The following SLC5A3 variants were observed in gnomAD, a reference collection of about 807,000 sequenced individuals.
SLC5A3 encodes the protein solute carrier family 5 member 3.
Under a neutral mutation model 43.2 loss-of-function variants are expected in SLC5A3, and 10 were observed. That is an observed-to-expected ratio of 0.23 (90% confidence interval 0.14 to 0.39). The LOEUF (loss-of-function observed/expected upper bound fraction) is 0.39, where lower values mean the gene tolerates loss of function less well. SLC5A3 is among the 10% of genes least tolerant of loss of function. The pLI is 1.00. For synonymous variants in SLC5A3, 349 were observed against 322.0 expected (o/e 1.08, Z -0.90); for missense variants, 608 against 893.4 (o/e 0.68, Z 4.07).
chr21:34,091,222 T>G (rs1052541540), intron 1 of SLC5A3, among the ~76,000 whole-genome samples: 1 of 149,766 alleles, frequency 6.7e-6, no homozygotes, highest in African/African-American at 2.5e-5. Flanking sequence ...GAGGTGGTTG[T>G]TTGGTCACGT....
intron 1 of SLC5A3, among the ~76,000 whole-genome samples, chr21:34,093,238 ATTT>A (rs761174952): frequency 1.5e-5 from 2 of 130,212 alleles, no homozygotes; most frequent in Admixed American, 7.7e-5. Flanking sequence ...AACTTTTAAG[ATTT>A]TTTTTTTTTT....
chr21:34,096,825 A>G lies in SLC5A3; in HGVS notation c.1627A>G (p.Thr543Ala). ...ACCTCCCACAAAGGAACAGATTCGA[A>G]CCACCACCTTTTGGTCTAAGAAGAA... Reference protein sequence around the residue: ...TPPPTKEQIRTTTFWSKKNLV... With the variant: ...TPPPTKEQIRATTFWSKKNLV... Residue 543 changes from threonine to alanine, a missense_variant, in exon 2 of 2, where the codon ACC becomes GCC. Around this residue, in one of 2 missense-constraint regions of SLC5A3, gnomAD observed 210 missense variants for 224.8 expected, o/e 0.93. Transcript: ENST00000381151. This position sits in a 1 kb window ranked among gnomAD's most constrained non-coding sequence, Gnocchi z 5.9. 1.2e-6 allele frequency: 2 copies of G among 1,614,074 alleles called. No homozygotes were observed. The highest frequency in any genetic ancestry group is 8.5e-7 in the Non-Finnish European group (1 of 1,179,996).
intron 1 of SLC5A3, among the ~76,000 whole-genome samples, chr21:34,086,301 A>T (rs148461249): frequency 2.0e-5 from 3 of 152,114 alleles, no homozygotes; most frequent in Non-Finnish European, 2.9e-5. Context: ...TTTTAGAGAA[A>T]AGATTAATTC....
At chr21:34,094,444 T>C (rs1782995) in intron 1 of SLC5A3, among the ~76,000 whole-genome samples, 9,101 of 152,232 alleles carry the variant, frequency 0.06, 317 homozygotes, top group Middle Eastern at 0.13. Context: ...CCAAACTCTC[T>C]TAGGATTCAT....
At chr21:34,092,139 T>TAA (rs1556004198) in intron 1 of SLC5A3, among the ~76,000 whole-genome samples, 2 of 150,834 alleles carry the variant, frequency 1.3e-5, no homozygotes, top group Non-Finnish European at 1.5e-5. Flanking sequence ...TATATATATA[T>TAA]AACATACTGT....
At position 34,088,009 on chromosome 21, in the gene SLC5A3, G is replaced by A. The variant is rs576127226; in HGVS notation, c.-336-6854G>A. Among the ~76,000 whole-genome samples, 62 of 152,262 alleles carry A rather than the reference G, an allele frequency of 4.1e-4. 1 individual carries two copies. In the South Asian group the frequency reaches 0.013, roughly 32 times the overall value. ...TGTTCTGAGATGGGGAGGATTGAGA[G>A]TAGAACACATTTTTTGGGCAAGAGC... On this transcript the variant is annotated intron_variant, in intron 1 of 1. Transcript: ENST00000381151.
At chr21:34,081,506 C>G (rs1989458307) in intron 1 of SLC5A3, among the ~76,000 whole-genome samples, 1 of 152,078 alleles carries the variant, frequency 6.6e-6, no homozygotes, top group Non-Finnish European at 1.5e-5. Flanking sequence ...CTTGTAAGAT[C>G]TGAAATGAAG....
Position 34,098,929 on chromosome 21 carries a change from C to A in SLC5A3, c.*1574C>A, listed in dbSNP as rs903882355. ...ATACTTTTTAGATTGCATGATTTTA[C>A]TAGGCTTGTATTTAGGGAAATTACT... is the stretch of plus-strand genomic sequence containing the variant. On this transcript the variant is annotated 3_prime_UTR_variant, in exon 2 of 2. Transcript: ENST00000381151. 5 of 988,336 alleles carry A rather than the reference C, an allele frequency of 5.1e-6. No homozygotes were observed. Among genetic ancestry groups the A allele is most frequent in the Non-Finnish European group, 6.1e-6 (5 of 819,278 alleles). 61.2% of individuals were successfully genotyped at this position (988,336 alleles called of 1,614,324 possible). A position where few individuals can be genotyped will look rare whatever the true frequency, so the allele number is the denominator to read the frequency against.
intron 1 of SLC5A3, among the ~76,000 whole-genome samples, chr21:34,089,395 C>T (rs1348552847): frequency 2.0e-5 from 3 of 151,634 alleles, no homozygotes; most frequent in African/African-American, 7.3e-5. Flanking sequence ...TAGTATCATT[C>T]ACATAAAAGT....
chr21:34,105,727 C>T lies in SLC5A3; in HGVS notation c.*8372C>T, dbSNP rs1332222837. 1.0e-6 allele frequency: 1 copy of T among 997,906 alleles called. No individual in the cohort carries two copies. Among genetic ancestry groups the T allele is most frequent in the East Asian group, 1.1e-4 (1 of 8,800 alleles). 61.8% of individuals were successfully genotyped at this position (997,906 alleles called of 1,614,324 possible). The stretch of plus-strand genomic sequence containing the variant: ...GAATTGTAAATGGATTTCCAGTTTA[C>T]CTTCTGTTGTCTACAGCTTTTTTAA... On this transcript the variant is annotated 3_prime_UTR_variant, in exon 2 of 2. Coordinates refer to ENST00000381151, the MANE Select transcript of SLC5A3 (RefSeq NM_006933.7).
Position 34,083,204 on chromosome 21 carries a change from T to C in SLC5A3, c.-337+9459T>C, listed in dbSNP as rs77964673. Among the ~76,000 whole-genome samples, 188 of 152,340 alleles carry C rather than the reference T, an allele frequency of 1.2e-3. 1 individual carries two copies. The highest frequency in any genetic ancestry group is 4.1e-3 in the African/African-American group (172 of 41,576). ...GGGTTGCTGTGGATATAATCCAGTT[T>C]GAGAAAATTCTCATTGTGGTGATCA... On this transcript the variant is annotated intron_variant, in intron 1 of 1. Transcript: ENST00000381151.
Position 34,100,620 on chromosome 21 carries a change from T to G in SLC5A3, c.*3265T>G. Reference sequence around the variant, plus strand: ...TCTTAGGGATGATACCTCAAGAAATTAGCTGGGACCCATCACTCTGTGAAA... The same window carrying G: ...TCTTAGGGATGATACCTCAAGAAATGAGCTGGGACCCATCACTCTGTGAAA... On this transcript the variant is annotated 3_prime_UTR_variant, in exon 2 of 2. Transcript: ENST00000381151. The G allele has an allele frequency of 3.0e-6, 3 of 1,000,170 alleles. No homozygotes were observed. The highest frequency in any genetic ancestry group is 3.6e-6 in the Non-Finnish European group (3 of 829,960). The allele number at this position is 1,000,170 out of a possible 1,614,324, so 62.0% of individuals were successfully genotyped here.
intron 1 of SLC5A3, among the ~76,000 whole-genome samples, chr21:34,087,161 A>G (rs967325910): frequency 1.3e-5 from 2 of 152,172 alleles, no homozygotes; most frequent in Admixed American, 6.5e-5. Flanking sequence ...TTTTATCTGA[A>G]TGAACATATT....
At chr21:34,079,924 C>T (rs1423461265) in intron 1 of SLC5A3, among the ~76,000 whole-genome samples, 1 of 152,096 alleles carries the variant, frequency 6.6e-6, no homozygotes, top group Admixed American at 6.5e-5. Flanking sequence ...TCTGTTATTG[C>T]TTATTTCTGT....
Position 34,098,355 on chromosome 21 carries a change from G to C in SLC5A3, c.*1000G>C, listed in dbSNP as rs1979068136. The C allele has an allele frequency of 1.0e-6, 1 of 1,000,126 alleles. No individual in the cohort carries two copies. The highest frequency in any genetic ancestry group is 1.7e-5 in the African/African-American group (1 of 57,220). The allele number at this position is 1,000,126 out of a possible 1,614,324, so 62.0% of individuals were successfully genotyped here. ...CTGAAGAAAAATTGACGCTGCCTTT[G>C]TGTGCTGGATTGCTCTACTTGATTA... On this transcript the variant is annotated 3_prime_UTR_variant, in exon 2 of 2. Coordinates refer to ENST00000381151, the MANE Select transcript of SLC5A3 (RefSeq NM_006933.7).
At position 34,104,340 on chromosome 21, in the gene SLC5A3, C is replaced by T. The variant is rs995193253; in HGVS notation, c.*6985C>T. The stretch of plus-strand genomic sequence containing the variant: ...GTGTGTGTAGAAGAAAACGTATGTT[C>T]TTCTACTCAGCATTGCCCTTTTCCA... On this transcript the variant is annotated 3_prime_UTR_variant, in exon 2 of 2. Transcript: ENST00000381151. 3 of 999,882 alleles carry T rather than the reference C, an allele frequency of 3.0e-6. No individual in the cohort carries two copies. In the Admixed American group the frequency reaches 1.8e-4, roughly 61 times the overall value. 61.9% of individuals were successfully genotyped at this position (999,882 alleles called of 1,614,324 possible).
Position 34,105,738 on chromosome 21 carries a change from C to T in SLC5A3, c.*8383C>T. The stretch of plus-strand genomic sequence containing the variant: ...GGATTTCCAGTTTACCTTCTGTTGT[C>T]TACAGCTTTTTTAATTTTAAGGTTT... On this transcript the variant is annotated 3_prime_UTR_variant, in exon 2 of 2. Transcript: ENST00000381151. 3 of 998,210 alleles carry T rather than the reference C, an allele frequency of 3.0e-6. No homozygotes were observed. Among genetic ancestry groups the T allele is most frequent in the Non-Finnish European group, 3.6e-6 (3 of 828,240 alleles). 61.8% of individuals were successfully genotyped at this position (998,210 alleles called of 1,614,324 possible).
At chr21:34,085,039 C>G (rs753593996) in intron 1 of SLC5A3, among the ~76,000 whole-genome samples, 2 of 152,152 alleles carry the variant, frequency 1.3e-5, no homozygotes, top group South Asian at 2.1e-4. Context: ...GACATTGATA[C>G]GATACTACCA....
rs190209626 is a variant in SLC5A3 at position 34,085,978 on chromosome 21, A to G, written c.-336-8885A>G. On this transcript the variant is annotated intron_variant, in intron 1 of 1. Coordinates refer to ENST00000381151, the MANE Select transcript of SLC5A3 (RefSeq NM_006933.7). ...CCTTAACACCTCATGTTCATGTTCAAATTCCCTGAATTGTCAAAAGTGTCT... is the reference window on the plus strand; with the variant it reads ...CCTTAACACCTCATGTTCATGTTCAGATTCCCTGAATTGTCAAAAGTGTCT... Among the ~76,000 whole-genome samples, 59 of 152,268 alleles carry G rather than the reference A, an allele frequency of 3.9e-4. 1 individual carries two copies. Among genetic ancestry groups the G allele is most frequent in the Admixed American group, 3.4e-3 (52 of 15,292 alleles).
Sources: gnomAD v4.1 joint callset for allele counts (sites outside exome capture counted in the v4.1 genomes callset) on GRCh38, gnomAD v4.1.1 for gene constraint, gnomAD v4.1.1 regional missense constraint, Gnocchi (gnomAD v3.1) non-coding constraint, MANE v1.5 for transcripts, NCBI Gene and HGNC (gene_info 2026-07-23, HGNC 2026-07-21) for gene names.